The following GALNT2 variants were observed in gnomAD, a reference collection of about 807,000 sequenced individuals.
GALNT2 encodes UDP-GalNAc:polypeptide N-acetylgalactosaminyltransferase 2.
GALNT2 carries 31 observed loss-of-function variants against 81.4 expected under a neutral mutation model. The ratio of observed to expected loss-of-function variants is 0.38; its 90% CI spans 0.29 to 0.51. The LOEUF (loss-of-function observed/expected upper bound fraction) is 0.51, where lower values mean the gene tolerates loss of function less well. GALNT2 is among the 20% of genes least tolerant of loss of function. The probability of loss-of-function intolerance (pLI) is 0.87; values close to 1 mark genes in which losing one functional copy is unlikely to be tolerated. For synonymous variants in GALNT2, 303 were observed against 287.4 expected, an observed-to-expected ratio of 1.05 and a Z score of -0.55; for missense variants, 629 against 765.7, an observed-to-expected ratio of 0.82 and a Z score of 2.11.
chr1:230,221,627 T>C (rs1225477601), intron 3 of GALNT2, among the ~76,000 whole-genome samples: 1 of 152,266 alleles, frequency 6.6e-6, no homozygotes, highest in African/African-American at 2.4e-5. Context: ...TAAATTTCTT[T>C]AGATGCTTCA....
chr1:230,090,933 G>A (rs1660053026), intron 1 of GALNT2, among the ~76,000 whole-genome samples: 2 of 152,144 alleles, frequency 1.3e-5, no homozygotes, highest in South Asian at 4.1e-4. Context: ...ATCAATGGGG[G>A]ATTGGGGTTT....
At chr1:230,154,769 G>A (rs571475852) in intron 1 of GALNT2, among the ~76,000 whole-genome samples, 2 of 152,118 alleles carry the variant, frequency 1.3e-5, no homozygotes, top group South Asian at 2.1e-4. Flanking sequence ...AAACCCTGTC[G>A]CCCCTTGAGC....
chr1:230,136,677 C>T (rs978161291), intron 1 of GALNT2, among the ~76,000 whole-genome samples: 9 of 152,180 alleles, frequency 5.9e-5, no homozygotes, highest in Admixed American at 1.3e-4. Context: ...TCAGAAATAA[C>T]GGGGGCAACG....
intron 1 of GALNT2, among the ~76,000 whole-genome samples, chr1:230,118,583 G>T (rs1660919260): frequency 6.6e-6 from 1 of 152,218 alleles, no homozygotes; most frequent in Admixed American, 6.5e-5. Context: ...TGTAGGGCCA[G>T]AAGCACAAGT....
intron 9 of GALNT2, 55 bp downstream of exon 9, chr1:230,249,326 C>G (rs758314422): frequency 2.3e-4 from 357 of 1,533,180 alleles, no homozygotes; most frequent in Non-Finnish European, 3.1e-4. Context: ...CAGGTTCCAG[C>G]TTCTTTGCTG....
intron 1 of GALNT2, among the ~76,000 whole-genome samples, chr1:230,158,891 A>G (rs948687005): frequency 2.6e-5 from 4 of 151,668 alleles, no homozygotes; most frequent in Non-Finnish European, 5.9e-5. Context: ...CTGGCAACAA[A>G]GAGGATTGAA....
intron 15 of GALNT2, among the ~76,000 whole-genome samples, chr1:230,277,839 T>C (rs1010372617): frequency 6.6e-6 from 1 of 152,152 alleles, no homozygotes; most frequent in African/African-American, 2.4e-5. Flanking sequence ...GAACATTTGG[T>C]TTCCAGGCAC....
intron 3 of GALNT2, among the ~76,000 whole-genome samples, chr1:230,235,296 C>T (rs939856537): frequency 6.6e-6 from 1 of 151,440 alleles, no homozygotes; most frequent in Non-Finnish European, 1.5e-5. Context: ...TGAGAGGTGC[C>T]ATGTTGAAAT....
chr1:230,093,408 CA>C (rs747058802), intron 1 of GALNT2, among the ~76,000 whole-genome samples: 2 of 73,992 alleles, frequency 2.7e-5, no homozygotes, highest in African/African-American at 6.4e-5. Context: ...CATTAGATCA[CA>C]GTTGTGTAAA....
At position 230,236,548 on chromosome 1, in the gene GALNT2, G is replaced by T. The variant is rs142963278; in HGVS notation, c.542-112G>T. On this transcript the variant is annotated intron_variant, in intron 5 of 15. Transcript: ENST00000366672. ...ATCCACAGAAAGAAGAGGTGCCTCT[G>T]TGATGCCCCAAGGAGATAATCGGCC... The T allele has an allele frequency of 2.9e-5, 41 of 1,410,518 alleles. No individual in the cohort carries two copies. In the East Asian group the frequency reaches 9.4e-4, roughly 32 times the overall value. The allele number at this position is 1,410,518 out of a possible 1,614,324, so 87.4% of individuals were successfully genotyped here. A position where few individuals can be genotyped will look rare whatever the true frequency, so the allele number is the denominator to read the frequency against.
intron 2 of GALNT2, among the ~76,000 whole-genome samples, chr1:230,200,235 T>G (rs1004356068): frequency 2.6e-5 from 4 of 152,060 alleles, no homozygotes; most frequent in Non-Finnish European, 4.4e-5. Context: ...GCTAATTTTT[T>G]GTATTTTTAG....
At chr1:230,084,759 G>T (rs1659849721) in intron 1 of GALNT2, among the ~76,000 whole-genome samples, 1 of 152,136 alleles carries the variant, frequency 6.6e-6, no homozygotes, top group Non-Finnish European at 1.5e-5. Context: ...AAGTCATTTT[G>T]CCCTTTTCTG....
chr1:230,066,937 C>T (rs945698018), upstream of GALNT2, among the ~76,000 whole-genome samples: 4 of 150,606 alleles, frequency 2.7e-5, no homozygotes, highest in South Asian at 6.2e-4. Flanking sequence ...GCCCTCACGG[C>T]GGAGCCCGGC....
At chr1:230,125,320 G>T (rs1481619342) in intron 1 of GALNT2, among the ~76,000 whole-genome samples, 1 of 152,202 alleles carries the variant, frequency 6.6e-6, no homozygotes, top group South Asian at 2.1e-4. Context: ...GGGCTGTGGG[G>T]AGAAAGAAGG....
At chr1:230,200,875 A>G (rs1663872341) in intron 2 of GALNT2, among the ~76,000 whole-genome samples, 1 of 152,232 alleles carries the variant, frequency 6.6e-6, no homozygotes, top group South Asian at 2.1e-4. Context: ...TCCGTGGTGC[A>G]GGGTATTCAG....
Position 230,236,115 on chromosome 1 carries a change from G to A in GALNT2, c.473+3G>A. On this transcript the variant is annotated splice_donor_region_variant and intron_variant, in intron 4 of 15. Transcript: ENST00000366672. ...GCCCTACTCAGGACCGTGGTCAGGT[G>A]AGGCCAGGAGATGCATTACCTGTCA... 6.2e-7 allele frequency: 1 copy of A among 1,613,164 alleles called. No individual in the cohort carries two copies. Among genetic ancestry groups the A allele is most frequent in the Non-Finnish European group, 8.5e-7 (1 of 1,179,198 alleles).
At chr1:230,157,492 T>A (rs186876191) in intron 1 of GALNT2, among the ~76,000 whole-genome samples, 2 of 152,288 alleles carry the variant, frequency 1.3e-5, no homozygotes, top group Admixed American at 6.5e-5. Flanking sequence ...TTAGATATTA[T>A]CCAAGGGAAA....
At chr1:230,272,161 A>G (rs1282528160) in intron 14 of GALNT2, among the ~76,000 whole-genome samples, 1 of 152,182 alleles carries the variant, frequency 6.6e-6, no homozygotes, top group East Asian at 1.9e-4. Flanking sequence ...AATTATTTTT[A>G]TGATGTCACA....
intron 1 of GALNT2, among the ~76,000 whole-genome samples, chr1:230,094,342 C>T (rs575064172): frequency 0.38 from 69 of 184 alleles, no homozygotes; most frequent in East Asian, 0.49. Context: ...CATATGCTTT[C>T]GGCCGGGGTG....
Sources: allele counts gnomAD v4.1 joint callset (sites outside exome capture counted in the v4.1 genomes callset), GRCh38; gene constraint gnomAD v4.1.1; transcripts MANE v1.5; gene names NCBI Gene and HGNC (gene_info 2026-07-23, HGNC 2026-07-21).